TRPM5: variants seen among roughly 807,000 people sequenced by gnomAD.
The protein encoded by TRPM5 is MLSN1 and TRP-related.
Under a neutral mutation model 124.9 loss-of-function variants are expected in TRPM5, and 121 were observed. The ratio of observed to expected loss-of-function variants is 0.97; its 90% CI spans 0.84 to 1.13. The LOEUF (loss-of-function observed/expected upper bound fraction) is 1.13. Ranked by LOEUF, TRPM5 falls within the 50% of genes most tolerant of loss-of-function variation. TRPM5 has a pLI of 0.00. For missense variants in TRPM5, 1,643 were observed against 1,589.1 expected, an observed-to-expected ratio of 1.03 and a Z score of -0.58; for synonymous variants, 781 against 700.5, an observed-to-expected ratio of 1.11 and a Z score of -1.81.
upstream of TRPM5, among the ~76,000 whole-genome samples, chr11:2,425,638 C>CCTGGGCGGGGGTCCTCAGG (rs1845834901): frequency 6.6e-6 from 1 of 152,176 alleles, no homozygotes; most frequent in African/African-American, 2.4e-5. Flanking sequence ...GAGTCCTCAC[C>CCTGGGCGGGGGTCCTCAGG]CTGGGCGGGG....
At chr11:2,406,872 AG>A in intron 20 of TRPM5, 79 bp from the exon 26 acceptor site, 1 of 1,531,530 alleles carries the variant, frequency 6.5e-7, no homozygotes, top group Non-Finnish European at 8.8e-7. Flanking sequence ...TCCCGGGGCG[AG>A]GTGGGCCAGG....
intron 4 of TRPM5, 65 bp downstream of exon 9, chr11:2,420,157 A>G: frequency 6.6e-7 from 1 of 1,524,172 alleles, no homozygotes; most frequent in South Asian, 1.2e-5. Context: ...CCACTCTCCC[A>G]CAGGCGGGTC....
chr11:2,417,709 C>A lies in TRPM5; in HGVS notation c.1009+18G>T. 2 of 912,362 alleles carry A rather than the reference C, an allele frequency of 2.2e-6. No individual in the cohort carries two copies. The highest frequency in any genetic ancestry group is 2.8e-5 in the South Asian group (2 of 72,302). 56.5% of individuals were successfully genotyped at this position (912,362 alleles called of 1,614,324 possible). Reference sequence around the variant, plus strand: ...GCCCCCCAATGGCGCCTGCCTTGCCCACCCTGCCCGCCCTCACCTTTCACC... The same window carrying A: ...GCCCCCCAATGGCGCCTGCCTTGCCAACCCTGCCCGCCCTCACCTTTCACC... On this transcript the variant is annotated intron_variant, in intron 7 of 23. Coordinates refer to ENST00000155858, the Ensembl canonical transcript of TRPM5.
At chr11:2,419,815 C>T (rs931098237) in intron 4 of TRPM5, among the ~76,000 whole-genome samples, 15 of 152,230 alleles carry the variant, frequency 9.9e-5, no homozygotes, top group African/African-American at 3.4e-4. Context: ...GCCCATTTCT[C>T]GGGTGACGCT....
intron 10 of TRPM5, 25 bp downstream of exon 15, chr11:2,414,882 C>A: frequency 6.3e-7 from 1 of 1,595,108 alleles, no homozygotes; most frequent in Non-Finnish European, 8.5e-7. Context: ...CCTGCCCCCG[C>A]GCTGGGCCCG....
chr11:2,415,978 G>T, exon 8 of TRPM5: 1 of 1,585,610 alleles, frequency 6.3e-7, no homozygotes, highest in East Asian at 2.3e-5. Context: ...CGGCCAGCTT[G>T]AGCTCATCCA....
intron 18 of TRPM5, chr11:2,410,641 G>A (rs1428637407): frequency 2.2e-6 from 1 of 451,208 alleles, no homozygotes; most frequent in Non-Finnish European, 4.4e-6. Flanking sequence ...AGGCCCCCAT[G>A]GCCAAGCGGC....
chr11:2,440,041 A>G, the TRPM5 span, among the ~76,000 whole-genome samples: 7 of 152,242 alleles, frequency 4.6e-5, no homozygotes, highest in African/African-American at 1.7e-4. This position sits in a 1 kb window ranked among gnomAD's most constrained non-coding sequence, Gnocchi z 5.2. Flanking sequence ...ACATGGGTCC[A>G]GCTGGACACC....
intron 18 of TRPM5, among the ~76,000 whole-genome samples, chr11:2,408,518 CTCAAG>C (rs1294348289): frequency 6.6e-6 from 1 of 152,246 alleles, no homozygotes; most frequent in African/African-American, 2.4e-5. Flanking sequence ...CACTGGGCCA[CTCAAG>C]TCAAGAACAT....
exon 24 of TRPM5, chr11:2,404,641 CAG>C (rs1850275786): frequency 2.6e-6 from 1 of 380,206 alleles, no homozygotes; most frequent in Non-Finnish European, 4.8e-6. Context: ...AGCTTTTCCA[CAG>C]TGCAGGCTGG....
upstream of TRPM5, among the ~76,000 whole-genome samples, chr11:2,426,143 C>T (rs1039337714): frequency 3.3e-5 from 5 of 152,162 alleles, no homozygotes; most frequent in Admixed American, 1.3e-4. Context: ...AAAGCTCTGG[C>T]CCTTCCCAGG....
chr11:2,416,313 C>T (rs920029660), intron 7 of TRPM5, among the ~76,000 whole-genome samples: 7 of 152,194 alleles, frequency 4.6e-5, no homozygotes, highest in African/African-American at 7.2e-5. Context: ...ACCTGGGCCT[C>T]GAGGCCACTT....
exon 24 of TRPM5, chr11:2,404,839 C>T (rs1850280372): frequency 2.9e-6 from 3 of 1,018,606 alleles, no homozygotes; most frequent in African/African-American, 1.6e-5. Context: ...GGCTGGTGCC[C>T]CCTGGGGGGT....
chr11:2,437,302 A>G, the TRPM5 span, among the ~76,000 whole-genome samples: 1 of 152,218 alleles, frequency 6.6e-6, no homozygotes, highest in Non-Finnish European at 1.5e-5. This position sits in a 1 kb window ranked among gnomAD's most constrained non-coding sequence, Gnocchi z 5.6. Context: ...ATTGGGAGAC[A>G]GGTCATGACA....
At chr11:2,406,257 T>C in intron 21 of TRPM5, 166 bp from the exon 27 acceptor site, 1 of 721,330 alleles carries the variant, frequency 1.4e-6, no homozygotes, top group Non-Finnish European at 2.4e-6. Context: ...CCCCTCAAAG[T>C]GCACCTGGTG....
intron 11 of TRPM5, 66 bp from the exon 17 acceptor site, chr11:2,414,272 C>T: frequency 5.2e-6 from 8 of 1,537,196 alleles, no homozygotes; most frequent in Non-Finnish European, 7.0e-6. Context: ...CGACGCCCCT[C>T]CTCCATCCCC....
the TRPM5 span, among the ~76,000 whole-genome samples, chr11:2,430,830 GTGGTGGTGGTTT>G: frequency 3.4e-5 from 5 of 147,430 alleles, no homozygotes; most frequent in East Asian, 8.3e-4. Context: ...GGTGTTGATG[GTGGTGGTGGTTT>G]TGGTGGTGGT....
chr11:2,412,222 A>C, exon 16 of TRPM5: 1 of 1,613,472 alleles, frequency 6.2e-7, no homozygotes, highest in South Asian at 1.1e-5. Context: ...GAACTTCTTC[A>C]CCAGGTGTGT....
intron 2 of TRPM5, among the ~76,000 whole-genome samples, chr11:2,421,435 C>T (rs1025350429): frequency 2.6e-5 from 4 of 152,234 alleles, no homozygotes; most frequent in Non-Finnish European, 5.9e-5. Context: ...GGCACCCCCA[C>T]CCCACCTGGA....
Sources: gnomAD v4.1 joint callset for allele counts (sites outside exome capture counted in the v4.1 genomes callset) on GRCh38, gnomAD v4.1.1 for gene constraint, Gnocchi (gnomAD v3.1) non-coding constraint, MANE v1.5 for transcripts, NCBI Gene and HGNC (gene_info 2026-07-23, HGNC 2026-07-21) for gene names.